The following SORCS3 variants were observed in gnomAD, a reference collection of about 807,000 sequenced individuals.
The protein encoded by SORCS3 is sortilin related VPS10 domain containing receptor 3, also known as VPS10 domain-containing receptor SorCS3.
SORCS3 carries 57 observed loss-of-function variants against 146.3 expected under a neutral mutation model. The observed-to-expected ratio is 0.39, with a 90% CI of 0.31 to 0.49. The LOEUF (loss-of-function observed/expected upper bound fraction) is 0.49, where lower values mean the gene tolerates loss of function less well. SORCS3 is among the 20% of genes least tolerant of loss of function. SORCS3 has a pLI of 0.92. For synonymous variants in SORCS3, 653 were observed against 618.5 expected, an observed-to-expected ratio of 1.06 and a Z score of -0.83; for missense variants, 1,341 against 1,575.5, an observed-to-expected ratio of 0.85 and a Z score of 2.52.
chr10:104,839,287 G>A (rs1278253016), intron 1 of SORCS3, among the ~76,000 whole-genome samples: 1 of 152,132 alleles, frequency 6.6e-6, no homozygotes. Flanking sequence ...AAGCAAAATA[G>A]GACTTCACAG....
rs80285820 is a variant in SORCS3, at chr10:104,909,604, G to A, written c.696-6229G>A. ...CTGAGGACCAGGGTGGTAAACACCA[G>A]AAGAAGGTGCTGACTGGATAAGGAA... On this transcript the variant is annotated intron_variant, in intron 2 of 26. Coordinates refer to ENST00000369701, the MANE Select transcript of SORCS3 (RefSeq NM_014978.3). Among the ~76,000 whole-genome samples, 1,286 of 151,972 alleles carry A rather than the reference G, an allele frequency of 8.5e-3. 19 individuals are homozygous for A. The highest frequency in any genetic ancestry group is 0.03 in the African/African-American group (1,219 of 41,318).
At chr10:104,761,136 A>T (rs149078331) in intron 1 of SORCS3, among the ~76,000 whole-genome samples, 8 of 152,292 alleles carry the variant, frequency 5.3e-5, no homozygotes, top group Admixed American at 2.0e-4. Flanking sequence ...CCTTAGTACA[A>T]GTGGTAGATG....
chr10:105,113,572 G>T (rs1395480944), intron 7 of SORCS3, among the ~76,000 whole-genome samples: 1 of 151,986 alleles, frequency 6.6e-6, no homozygotes, highest in Non-Finnish European at 1.5e-5. Context: ...GCAGTAGAAG[G>T]GTCCATAAAC....
chr10:104,962,617 C>T (rs894478011), intron 3 of SORCS3, among the ~76,000 whole-genome samples: 3 of 152,152 alleles, frequency 2.0e-5, no homozygotes, highest in Non-Finnish European at 4.4e-5. Context: ...TTGTGCTCAC[C>T]ATGTGGATAG....
intron 1 of SORCS3, among the ~76,000 whole-genome samples, chr10:104,642,168 C>A (rs1232030456): frequency 6.6e-6 from 1 of 152,106 alleles, no homozygotes; most frequent in Non-Finnish European, 1.5e-5. Context: ...ACTGGAGACC[C>A]TAGGCTTCGG....
At chr10:104,692,128 G>A (rs2016120952) in intron 1 of SORCS3, among the ~76,000 whole-genome samples, 2 of 152,010 alleles carry the variant, frequency 1.3e-5, no homozygotes. Flanking sequence ...TTTCTGAGAT[G>A]GGATCATCTC....
intron 7 of SORCS3, among the ~76,000 whole-genome samples, chr10:105,138,569 A>G (rs570554856): frequency 1.8e-4 from 28 of 152,226 alleles, no homozygotes; most frequent in Non-Finnish European, 3.1e-4. Context: ...TCCTGTGAAT[A>G]TTAATTTCCC....
chr10:105,028,088 A>G (rs1030146674), intron 4 of SORCS3, among the ~76,000 whole-genome samples: 1 of 152,208 alleles, frequency 6.6e-6, no homozygotes, highest in Non-Finnish European at 1.5e-5. Context: ...ATAGATCATA[A>G]CTACCACAAA....
chr10:105,064,043 A>C (rs935390012), intron 5 of SORCS3, among the ~76,000 whole-genome samples: 1 of 152,228 alleles, frequency 6.6e-6, no homozygotes, highest in Non-Finnish European at 1.5e-5. Context: ...TCATTAATTG[A>C]TTACTTCAAG....
chr10:104,712,826 GCAC>G (rs1218946477), intron 1 of SORCS3, among the ~76,000 whole-genome samples: 1 of 152,204 alleles, frequency 6.6e-6, no homozygotes, highest in Admixed American at 6.5e-5. Flanking sequence ...AAATTAACAA[GCAC>G]CTACTGTGTG....
chr10:105,000,523 A>G (rs2055054713), intron 4 of SORCS3, among the ~76,000 whole-genome samples: 1 of 152,140 alleles, frequency 6.6e-6, no homozygotes. Flanking sequence ...TGTGAGCCAT[A>G]GAAGTATCAA....
At chr10:104,796,419 C>A (rs1012682399) in intron 1 of SORCS3, among the ~76,000 whole-genome samples, 2 of 150,754 alleles carry the variant, frequency 1.3e-5, no homozygotes, top group African/African-American at 4.9e-5. Context: ...TTAACACATT[C>A]CTAAGTTGAT....
At chr10:104,854,932 G>A (rs1353129126) in intron 2 of SORCS3, among the ~76,000 whole-genome samples, 1 of 152,164 alleles carries the variant, frequency 6.6e-6, no homozygotes, top group African/African-American at 2.4e-5. Context: ...GGGTATGAAT[G>A]TACGTCAATT....
chr10:104,728,576 G>T (rs2016669204), intron 1 of SORCS3, among the ~76,000 whole-genome samples: 1 of 152,154 alleles, frequency 6.6e-6, no homozygotes, highest in African/African-American at 2.4e-5. Flanking sequence ...AAGACCTGGG[G>T]ATATACTGCA....
intron 3 of SORCS3, among the ~76,000 whole-genome samples, chr10:104,962,071 G>A (rs1303911795): frequency 6.6e-6 from 1 of 152,002 alleles, no homozygotes; most frequent in Non-Finnish European, 1.5e-5. Context: ...TAAAATCGCA[G>A]TTCAATGTGA....
Position 105,058,311 on chromosome 10 carries a change from G to A in SORCS3, c.1028+15183G>A, listed in dbSNP as rs77965758. 8.4e-3 allele frequency among the ~76,000 whole-genome samples: 1,275 copies of A among 152,282 alleles called. 61 individuals carry two copies. In the East Asian group the frequency reaches 0.14, roughly 17 times the overall value. On this transcript the variant is annotated intron_variant, in intron 5 of 26. Transcript: ENST00000369701. ...GGGATTTAAAATGGGATGGCCTTGC[G>A]CTTCTCCAAGTGATACTGGGAATGA...
At chr10:104,666,216 T>G (rs2015774783) in intron 1 of SORCS3, 1 of 152,162 alleles carries the variant, frequency 6.6e-6, no homozygotes, top group Non-Finnish European at 1.5e-5. Context: ...CCCTCTTATA[T>G]AAGGAGGCAG....
chr10:105,019,989 C>A (rs1209724109), intron 4 of SORCS3, among the ~76,000 whole-genome samples: 3 of 152,170 alleles, frequency 2.0e-5, no homozygotes, highest in Admixed American at 6.5e-5. Context: ...CTCTTGCCTT[C>A]CATTCCATGA....
chr10:105,049,077 A>T (rs1205464735), intron 5 of SORCS3, among the ~76,000 whole-genome samples: 1 of 152,090 alleles, frequency 6.6e-6, no homozygotes, highest in African/African-American at 2.4e-5. Flanking sequence ...ATTTTCTTGG[A>T]CCAGTGTTTT....
Sources: gnomAD v4.1 joint callset for allele counts (sites outside exome capture counted in the v4.1 genomes callset) on GRCh38, gnomAD v4.1.1 for gene constraint, MANE v1.5 for transcripts, NCBI Gene and HGNC (gene_info 2026-07-23, HGNC 2026-07-21) for gene names.